The following OTOF variants were observed in gnomAD, a reference collection of about 807,000 sequenced individuals.
The protein encoded by OTOF is otoferlin.
Under a neutral mutation model 236.8 loss-of-function variants are expected in OTOF, and 218 were observed. The ratio of observed to expected loss-of-function variants is 0.92; its 90% CI spans 0.82 to 1.03. The LOEUF (loss-of-function observed/expected upper bound fraction) is 1.03. OTOF is among the 50% of genes least tolerant of loss of function. The probability of loss-of-function intolerance (pLI) is 0.00; values close to 1 mark genes in which losing one functional copy is unlikely to be tolerated. For synonymous variants in OTOF, 1,041 were observed against 1,072.5 expected (o/e 0.97, Z 0.57); for missense variants, 2,590 against 2,694.4 (o/e 0.96, Z 0.86).
In OTOF at chr2:26,516,623, A is replaced by G. The variant is rs1264327783; in HGVS notation, c.328-24T>C. On this transcript the variant is annotated intron_variant, in intron 4 of 46. Coordinates refer to ENST00000272371, the MANE Select transcript of OTOF (RefSeq NM_194248.3). Reference sequence around the variant, plus strand: ...GTCTGAAGGGAGGGAGGCGGTGGTGAGCAGCTGGGATGGTGACAGCAATCT... The same window carrying G: ...GTCTGAAGGGAGGGAGGCGGTGGTGGGCAGCTGGGATGGTGACAGCAATCT... 11 of 1,600,554 alleles carry G rather than the reference A, an allele frequency of 6.9e-6. No individual in the cohort carries two copies. The South Asian group carries it at 1.1e-4, about 16-fold the overall frequency.
At position 26,465,990 on chromosome 2, in the gene OTOF, C is replaced by T. The variant is rs774553164; in HGVS notation, c.4587G>A (p.Lys1529=). 1 of 1,614,108 alleles carries T rather than the reference C, an allele frequency of 6.2e-7. No individual in the cohort carries two copies. Among genetic ancestry groups the T allele is most frequent in the Non-Finnish European group, 8.5e-7 (1 of 1,180,050 alleles). ...TGAGCTGCTTGGAGATGTAGTTCTC[C>T]TTGTCGCGGATGTCAGTCTTGCCTA... ...IRLGKTDIRD[K]ENYISKQLNP... is the part of the protein sequence containing the mutation. Residue 1529 remains lysine, a synonymous_variant, in exon 37 of 47, where the codon AAG becomes AAA. Coordinates refer to ENST00000272371, the MANE Select transcript of OTOF (RefSeq NM_194248.3).
chr2:26,475,890 C>T, intron 24 of OTOF, 24 bp downstream of exon 24: 1 of 1,587,980 alleles, frequency 6.3e-7, no homozygotes, highest in Non-Finnish European at 8.6e-7. Flanking sequence ...AAGCCAGAGC[C>T]ACTCCCTCCT....
intron 10 of OTOF, 75 bp downstream of exon 10, chr2:26,489,603 G>T: frequency 7.8e-7 from 1 of 1,280,966 alleles, no homozygotes; most frequent in Non-Finnish European, 1.1e-6. Flanking sequence ...TAGACAGAGG[G>T]GGCCCCTCTC....
At position 26,457,866 on chromosome 2, in the gene OTOF, G is replaced by A. The variant is rs56025829; in HGVS notation, c.*372C>T. On this transcript the variant is annotated 3_prime_UTR_variant, in exon 47 of 47. Transcript: ENST00000272371. This position sits in a 1 kb window ranked among gnomAD's most constrained non-coding sequence, Gnocchi z 4.4. ...TCAGAGGGGCGGGACTGGGCAAGCC[G>A]CAGCCTGGGGCAGTGAGGACAGGCG... 9,010 of 664,794 alleles carry A rather than the reference G, an allele frequency of 0.014. 496 individuals are homozygous for A. Among genetic ancestry groups the A allele is most frequent in the African/African-American group, 0.13 (7,243 of 55,574 alleles). 41.2% of individuals were successfully genotyped at this position (664,794 alleles called of 1,614,324 possible).
rs370132645 is a variant in OTOF at position 26,475,912 on chromosome 2, A to C, written c.2991+2T>G. 1.1e-5 allele frequency: 17 copies of C among 1,602,858 alleles called. No homozygotes were observed. Among genetic ancestry groups the C allele is most frequent in the Non-Finnish European group, 1.4e-5 (16 of 1,175,222 alleles). On this transcript the variant is annotated splice_donor_variant, in intron 24 of 46. Coordinates refer to ENST00000272371, the MANE Select transcript of OTOF (RefSeq NM_194248.3). LOFTEE classifies it high-confidence loss of function. ...AGCCACTCCCTCCTCCCAGGCCCTC[A>C]CCTCTGTGCACTGACTCTGATTGAT...
chr2:26,524,325 TG>T (rs1666749548), intron 3 of OTOF, among the ~76,000 whole-genome samples: 2 of 152,126 alleles, frequency 1.3e-5, no homozygotes, highest in Admixed American at 6.5e-5. Context: ...CTGGCCAACA[TG>T]GGGAAAACCC....
At chr2:26,464,213 T>A (rs936071416) in intron 39 of OTOF, 107 bp from the exon 40 acceptor site, 2 of 1,359,274 alleles carry the variant, frequency 1.5e-6, no homozygotes, top group African/African-American at 1.4e-5. Flanking sequence ...CCATCACCTG[T>A]CTACCCCACC....
chr2:26,535,836 G>A (rs560790628), intron 2 of OTOF, among the ~76,000 whole-genome samples: 1 of 152,342 alleles, frequency 6.6e-6, no homozygotes, highest in Non-Finnish European at 1.5e-5. Flanking sequence ...CAGGCTGGGC[G>A]GAGTTGGGAA....
chr2:26,494,043 G>T (rs957434958), intron 9 of OTOF, among the ~76,000 whole-genome samples: 1 of 152,174 alleles, frequency 6.6e-6, no homozygotes, highest in African/African-American at 2.4e-5. Flanking sequence ...TGATTATGAT[G>T]GGGTCCCATC....
chr2:26,494,235 C>T (rs1403460395), intron 9 of OTOF, among the ~76,000 whole-genome samples: 8 of 152,258 alleles, frequency 5.3e-5, no homozygotes, highest in Non-Finnish European at 8.8e-5. Flanking sequence ...TAGAAGGTCT[C>T]TGAGGTCCCT....
chr2:26,503,299 C>A (rs1355525793), intron 6 of OTOF, among the ~76,000 whole-genome samples: 1 of 152,238 alleles, frequency 6.6e-6, no homozygotes, highest in South Asian at 2.1e-4. Flanking sequence ...CCAGTGCCAC[C>A]TGCTGCTCCA....
rs1320164627 is a variant in OTOF at position 26,507,129 on chromosome 2, G to A, written c.510-3284C>T. On this transcript the variant is annotated intron_variant, in intron 5 of 46. Coordinates refer to ENST00000272371, the MANE Select transcript of OTOF (RefSeq NM_194248.3). ...GGTAGTACTGGTAGCACTCCTGTGT[G>A]CCTGGGAATATCTCAAAAGGATATT... Among the ~76,000 whole-genome samples the A allele has an allele frequency of 2.6e-5, 4 of 152,226 alleles. No individual in the cohort carries two copies. In the East Asian group the frequency reaches 5.8e-4, roughly 22 times the overall value.
At chr2:26,472,224 G>A (rs1002708238) in intron 30 of OTOF, 34 of 449,268 alleles carry the variant, frequency 7.6e-5, no homozygotes, top group Middle Eastern at 6.8e-4. Flanking sequence ...CCACACATAC[G>A]CATGCACGCA....
At chr2:26,465,051 C>G (rs1421842670) in intron 38 of OTOF, 22 bp from the exon 39 acceptor site, 1 of 1,458,736 alleles carries the variant, frequency 6.9e-7, no homozygotes, top group East Asian at 2.5e-5. Context: ...GACACACAGG[C>G]TTGGAGGGGC....
chr2:26,540,650 C>T (rs555809319), intron 1 of OTOF, among the ~76,000 whole-genome samples: 7 of 146,698 alleles, frequency 4.8e-5, no homozygotes, highest in African/African-American at 1.0e-4. Context: ...TGACGAGGGC[C>T]GGGGGTGGCG....
chr2:26,514,332 G>T (rs1434876517), intron 5 of OTOF, among the ~76,000 whole-genome samples: 1 of 152,256 alleles, frequency 6.6e-6, no homozygotes, highest in Non-Finnish European at 1.5e-5. Context: ...GCTTCTTGCT[G>T]CTACCCTGGG....
At position 26,536,961 on chromosome 2, in the gene OTOF, C is replaced by T. The variant is rs561321210; in HGVS notation, c.138+755G>A. ...GTGTGTGAGGATAGGGCTCCCAGCC[C>T]GGCCAGGTACCGAGGGGAAGGGCAG... On this transcript the variant is annotated intron_variant, in intron 2 of 46. Transcript: ENST00000272371. Among the ~76,000 whole-genome samples, 55 of 152,286 alleles carry T rather than the reference C, an allele frequency of 3.6e-4. 2 individuals carry two copies. In the South Asian group the frequency reaches 0.011, roughly 31 times the overall value.
In OTOF at chr2:26,474,123, G is replaced by A. The variant is rs758827989; in HGVS notation, c.3289-13C>T. On this transcript the variant is annotated splice_polypyrimidine_tract_variant and intron_variant, in intron 26 of 46. Transcript: ENST00000272371. ...CTGCTGGTCCAATCTGGGGAATGGG[G>A]GTCACAGGTCACACACTGGGGAGCC... is the stretch of plus-strand genomic sequence containing the variant. The A allele has an allele frequency of 8.1e-6, 13 of 1,612,570 alleles. No individual in the cohort carries two copies. Among genetic ancestry groups the A allele is most frequent in the Non-Finnish European group, 5.9e-6 (7 of 1,179,792 alleles).
Position 26,480,832 on chromosome 2 carries a change from G to C in OTOF, c.1757C>G (p.Thr586Ser), listed in dbSNP as rs1469179933. The change falls in exon 15 of 47, where the codon ACC becomes AGC. Residue 586 changes from threonine to serine, a missense_variant. Physicochemically the swap from Thr to Ser is moderately conservative, Grantham distance 58. Transcript: ENST00000272371. ...CTCCACCTGCACCTCTGTGGAGCTG[G>C]TGAGCTCAGGGTTGGAGGTGTCTAC... ...EIVDTSNPELTSSTEVQVEQA... is the reference protein window; with the variant it reads ...EIVDTSNPELSSSTEVQVEQA... 2 of 1,612,698 alleles carry C rather than the reference G, an allele frequency of 1.2e-6. No individual in the cohort carries two copies. The highest frequency in any genetic ancestry group is 8.5e-7 in the Non-Finnish European group (1 of 1,179,952).
Sources: allele counts gnomAD v4.1 joint callset (sites outside exome capture counted in the v4.1 genomes callset), GRCh38; gene constraint gnomAD v4.1.1; non-coding constraint Gnocchi (gnomAD v3.1); transcripts MANE v1.5; gene names NCBI Gene and HGNC (gene_info 2026-07-23, HGNC 2026-07-21).